Variants in KIAA1217 observed in about 807,000 individuals in gnomAD.
KIAA1217 encodes sickle tail protein homolog.
A neutral mutation model predicts 163.9 loss-of-function variants in KIAA1217; 88 were observed. The ratio of observed to expected loss-of-function variants is 0.54; its 90% CI spans 0.45 to 0.64. The LOEUF (loss-of-function observed/expected upper bound fraction) is 0.64. Among genes scored for constraint, KIAA1217 ranks in the 30% least tolerant of loss-of-function variants. The probability of loss-of-function intolerance (pLI) is 0.00; values close to 1 mark genes in which losing one functional copy is unlikely to be tolerated. For synonymous variants in KIAA1217, 903 were observed against 923.1 expected (o/e 0.98, Z 0.39); for missense variants, 2,372 against 2,475.0 (o/e 0.96, Z 0.88).
At chr10:24,137,760 G>T (rs1028352337) in intron 2 of KIAA1217, among the ~76,000 whole-genome samples, 1 of 152,186 alleles carries the variant, frequency 6.6e-6, no homozygotes, top group Non-Finnish European at 1.5e-5. Flanking sequence ...TAAAAAGTAT[G>T]AAGTGCTAAT....
intron 2 of KIAA1217, among the ~76,000 whole-genome samples, chr10:24,274,509 A>G (rs1415601196): frequency 1.3e-5 from 2 of 152,234 alleles, no homozygotes; most frequent in Non-Finnish European, 2.9e-5. Flanking sequence ...TTGTCTTCCT[A>G]CAAGTCCTAT....
intron 1 of KIAA1217, among the ~76,000 whole-genome samples, chr10:23,984,392 G>T (rs1173412096): frequency 6.6e-6 from 1 of 152,162 alleles, no homozygotes; most frequent in East Asian, 1.9e-4. Context: ...CAAAAGCTTT[G>T]ATTTTTAATA....
At chr10:24,415,492 A>T (rs2131412833) in intron 3 of KIAA1217, among the ~76,000 whole-genome samples, 1 of 152,228 alleles carries the variant, frequency 6.6e-6, no homozygotes, top group African/African-American at 2.4e-5. Context: ...TCTTGGGGAA[A>T]AAAAAAAGCA....
chr10:23,756,896 T>C (rs1833946613), intron 1 of KIAA1217, among the ~76,000 whole-genome samples: 1 of 152,238 alleles, frequency 6.6e-6, no homozygotes, highest in Non-Finnish European at 1.5e-5. Context: ...AAAGTCGAAA[T>C]GCTATACCCA....
chr10:24,515,155 C>T (rs1420467309), intron 10 of KIAA1217, among the ~76,000 whole-genome samples: 1 of 151,866 alleles, frequency 6.6e-6, no homozygotes, highest in Non-Finnish European at 1.5e-5. Context: ...CAACCTCCAA[C>T]TCCTGGGTTC....
intron 3 of KIAA1217, among the ~76,000 whole-genome samples, chr10:24,393,659 C>T (rs190365277): frequency 6.6e-5 from 10 of 152,282 alleles, no homozygotes; most frequent in Admixed American, 5.2e-4. Flanking sequence ...AAAATGAGGT[C>T]ATAAGTGTAG....
intron 2 of KIAA1217, among the ~76,000 whole-genome samples, chr10:24,300,797 C>T (rs1355563478): frequency 2.0e-5 from 3 of 151,816 alleles, no homozygotes; most frequent in Non-Finnish European, 4.4e-5. Flanking sequence ...AAACCCCTCA[C>T]CTGAAGTGAA....
chr10:24,149,589 C>T (rs1246278715), intron 2 of KIAA1217, among the ~76,000 whole-genome samples: 3 of 151,478 alleles, frequency 2.0e-5, no homozygotes, highest in South Asian at 2.1e-4. Context: ...AAAAAATAAA[C>T]AAATTTTTAT....
chr10:23,893,500 G>A lies in KIAA1217; in HGVS notation c.-320-113725G>A, dbSNP rs544233302. Among the ~76,000 whole-genome samples the A allele has an allele frequency of 2.6e-3, 391 of 151,920 alleles. 7 individuals are homozygous for A. The highest frequency in any genetic ancestry group is 8.9e-3 in the African/African-American group (371 of 41,476). ...TTGTGTCTCTATTTCCTTCAGTTCT[G>A]CTCTGATTTTAGTTATTTCTTGCCT... On this transcript the variant is annotated intron_variant, in intron 1 of 18. Coordinates refer to the KIAA1217 transcript ENST00000376462.
At chr10:24,286,573 G>T (rs965170350) in intron 2 of KIAA1217, among the ~76,000 whole-genome samples, 10 of 152,008 alleles carry the variant, frequency 6.6e-5, no homozygotes, top group Non-Finnish European at 1.2e-4. Context: ...TCAATGGGAG[G>T]TATTATTATA....
chr10:24,003,478 A>G (rs1455611861), intron 1 of KIAA1217, among the ~76,000 whole-genome samples: 1 of 152,040 alleles, frequency 6.6e-6, no homozygotes, highest in African/African-American at 2.4e-5. Context: ...TTGTCTGTTC[A>G]TGTCCTTCAA....
At chr10:24,065,506 G>C (rs1377860371) in intron 2 of KIAA1217, among the ~76,000 whole-genome samples, 1 of 152,210 alleles carries the variant, frequency 6.6e-6, no homozygotes, top group African/African-American at 2.4e-5. Context: ...TGGTCTGAGA[G>C]ACAGTTTGTT....
chr10:24,130,638 C>T (rs1052111577), intron 2 of KIAA1217, among the ~76,000 whole-genome samples: 1 of 152,062 alleles, frequency 6.6e-6, no homozygotes, highest in Non-Finnish European at 1.5e-5. Context: ...AGGAACTATC[C>T]CAAACAGATG....
chr10:23,897,699 T>C (rs1841766143), intron 1 of KIAA1217, among the ~76,000 whole-genome samples: 1 of 152,056 alleles, frequency 6.6e-6, no homozygotes, highest in Non-Finnish European at 1.5e-5. Context: ...TCAACCTTCA[T>C]TGAACACTGA....
At chr10:24,097,747 T>C (rs951913775) in intron 2 of KIAA1217, among the ~76,000 whole-genome samples, 2 of 152,224 alleles carry the variant, frequency 1.3e-5, no homozygotes, top group South Asian at 2.1e-4. Context: ...TTTCAAAGAC[T>C]GTCTGCATAC....
At chr10:23,715,949 C>A (rs1417189699) in intron 1 of KIAA1217, among the ~76,000 whole-genome samples, 1 of 152,054 alleles carries the variant, frequency 6.6e-6, no homozygotes, top group East Asian at 1.9e-4. Context: ...CACCAATTTG[C>A]AAGTTAATGG....
At chr10:23,993,994 G>A (rs1011106381) in intron 1 of KIAA1217, among the ~76,000 whole-genome samples, 5 of 152,146 alleles carry the variant, frequency 3.3e-5, no homozygotes, top group Non-Finnish European at 7.4e-5. Flanking sequence ...TGAGGTTACA[G>A]GCCTTCGCAT....
chr10:24,173,812 C>G (rs2065744066), intron 2 of KIAA1217, among the ~76,000 whole-genome samples: 1 of 152,052 alleles, frequency 6.6e-6, no homozygotes, highest in East Asian at 1.9e-4. Flanking sequence ...TTTGAGTAAC[C>G]CAAATCTTTT....
intron 2 of KIAA1217, among the ~76,000 whole-genome samples, chr10:24,101,694 C>T (rs975256956): frequency 6.6e-6 from 1 of 152,020 alleles, no homozygotes; most frequent in Non-Finnish European, 1.5e-5. Context: ...ATTGTTAGGT[C>T]GTTTTTGCTT....
Sources: allele counts gnomAD v4.1 joint callset (sites outside exome capture counted in the v4.1 genomes callset), GRCh38; gene constraint gnomAD v4.1.1; transcripts MANE v1.5; gene names NCBI Gene and HGNC (gene_info 2026-07-23, HGNC 2026-07-21).